The following ZNF385D variants were observed in gnomAD, a reference collection of about 807,000 sequenced individuals.
ZNF385D encodes the protein zinc finger protein 385D, also known as zinc finger protein 659.
ZNF385D carries 15 observed loss-of-function variants against 35.8 expected under a neutral mutation model. The ratio of observed to expected loss-of-function variants is 0.42; its 90% confidence interval spans 0.28 to 0.64. ZNF385D has a LOEUF of 0.64. Ranked by LOEUF, ZNF385D falls within the 30% of genes least tolerant of loss-of-function variation. The pLI, the probability that ZNF385D is intolerant of heterozygous loss-of-function variation, is 0.23. For synonymous variants in ZNF385D, 212 were observed against 186.8 expected (o/e 1.13, Z -1.10); for missense variants, 474 against 494.6 (o/e 0.96, Z 0.39).
intron 1 of ZNF385D, among the ~76,000 whole-genome samples, chr3:21,748,300 A>AGTT (rs2069880105): frequency 1.3e-5 from 2 of 152,038 alleles, no homozygotes; most frequent in Non-Finnish European, 2.9e-5. Flanking sequence ...ACACACACAC[A>AGTT]ACTGACTCCA....
chr3:21,498,349 C>CA lies in ZNF385D; in HGVS notation c.439+12511dup, dbSNP rs1024461984. ...ACAAAGATGCCAAAAGCAATTGCAA[C>CA]AAAAAAAAAATTTGACAAATGGGAC... On this transcript the variant is annotated intron_variant, in intron 4 of 7. Coordinates refer to ENST00000281523, the MANE Select transcript of ZNF385D (RefSeq NM_024697.3). 1.0e-3 allele frequency among the ~76,000 whole-genome samples: 151 copies of CA among 147,384 alleles called. 1 individual carries two copies. Among genetic ancestry groups the CA allele is most frequent in the South Asian group, 6.4e-3 (30 of 4,690 alleles).
chr3:21,827,896 G>C (rs1471220862), intron 3 of ZNF385D, among the ~76,000 whole-genome samples: 2 of 152,158 alleles, frequency 1.3e-5, no homozygotes, highest in African/African-American at 4.8e-5. Context: ...TATATTCAAA[G>C]AGTGTTGGTA....
At chr3:21,984,357 G>T (rs1421719656) in intron 3 of ZNF385D, among the ~76,000 whole-genome samples, 4 of 125,508 alleles carry the variant, frequency 3.2e-5, no homozygotes, top group African/African-American at 1.4e-4. Flanking sequence ...GTGTAAGGAA[G>T]GGATCCAGTT....
At position 21,690,118 on chromosome 3, in the gene ZNF385D, T is replaced by TA. The variant is rs2067233838; in HGVS notation, c.23-25091dup. ...TTTGTATACATGTAACATATTTCAGTAAAAAATCCATTTTTCTTGTTCTCA... is the reference window on the plus strand; with the variant it reads ...TTTGTATACATGTAACATATTTCAGTAAAAAAATCCATTTTTCTTGTTCTCA... On this transcript the variant is annotated intron_variant, in intron 1 of 7. Coordinates refer to ENST00000281523, the MANE Select transcript of ZNF385D (RefSeq NM_024697.3). Among the ~76,000 whole-genome samples, 4 of 152,124 alleles carry TA rather than the reference T, an allele frequency of 2.6e-5. No homozygotes were observed. In the South Asian group the frequency reaches 8.3e-4, roughly 32 times the overall value.
intron 3 of ZNF385D, among the ~76,000 whole-genome samples, chr3:21,896,727 G>C (rs1371755920): frequency 6.6e-6 from 1 of 152,140 alleles, no homozygotes; most frequent in East Asian, 1.9e-4. Flanking sequence ...GGGAGTGTCA[G>C]GGGGTGGGAA....
At chr3:21,920,364 C>A (rs1407663755) in intron 3 of ZNF385D, among the ~76,000 whole-genome samples, 1 of 152,022 alleles carries the variant, frequency 6.6e-6, no homozygotes, top group East Asian at 1.9e-4. Flanking sequence ...GCTGTAACTC[C>A]AGGGATTTGG....
At chr3:22,346,789 G>A (rs939207564) in intron 2 of ZNF385D, among the ~76,000 whole-genome samples, 3 of 152,136 alleles carry the variant, frequency 2.0e-5, no homozygotes, top group Non-Finnish European at 2.9e-5. Flanking sequence ...ATACAGACAA[G>A]GGAGTTTTCT....
At chr3:22,211,702 G>A (rs2728981) in intron 2 of ZNF385D, among the ~76,000 whole-genome samples, 75,839 of 151,738 alleles carry the variant, frequency 0.5, 19,400 homozygotes, top group Middle Eastern at 0.62. Flanking sequence ...CAGGAGGATA[G>A]TGGATGATGG....
intron 3 of ZNF385D, chr3:21,942,585 G>T (rs1701574501): frequency 6.6e-6 from 1 of 152,166 alleles, no homozygotes; most frequent in Non-Finnish European, 1.5e-5. Flanking sequence ...GCATATATGG[G>T]CAATTGGGGC....
chr3:21,425,576 A>G lies in ZNF385D; in HGVS notation c.768T>C (p.Asn256=), dbSNP rs369607136. 1.9e-5 allele frequency: 30 copies of G among 1,611,762 alleles called. No individual in the cohort carries two copies. In the East Asian group the frequency reaches 6.3e-4, roughly 34 times the overall value. Residue 256 remains asparagine (N), a synonymous_variant, in exon 6 of 8, where the codon AAT becomes AAC. Transcript: ENST00000281523. The stretch of plus-strand genomic sequence containing the variant: ...TATTTTGGAGGCCTGTGTTTCCTTT[A>G]TTAACAGGTCCTTTGCCTTTCACTC... The part of the protein sequence containing the change: ...RAGVKGKGPV[N]KGNTGLQNKT...
At chr3:22,109,960 A>G (rs978833414) in intron 3 of ZNF385D, among the ~76,000 whole-genome samples, 11 of 152,190 alleles carry the variant, frequency 7.2e-5, no homozygotes, top group Non-Finnish European at 1.6e-4. Flanking sequence ...AAACAAACCC[A>G]TCAACAAGTG....
At chr3:21,958,219 G>A (rs1445990088) in intron 3 of ZNF385D, among the ~76,000 whole-genome samples, 1 of 151,958 alleles carries the variant, frequency 6.6e-6, no homozygotes, top group Non-Finnish European at 1.5e-5. Context: ...ACCAATAATG[G>A]GCAAAATCAT....
At chr3:21,851,796 A>G (rs912620782) in intron 3 of ZNF385D, among the ~76,000 whole-genome samples, 1 of 151,970 alleles carries the variant, frequency 6.6e-6, no homozygotes, top group Non-Finnish European at 1.5e-5. Context: ...CTCTCATTTT[A>G]TCCTTCTACT....
At chr3:22,012,252 T>C (rs1380566849) in intron 3 of ZNF385D, among the ~76,000 whole-genome samples, 1 of 152,200 alleles carries the variant, frequency 6.6e-6, no homozygotes, top group East Asian at 1.9e-4. Flanking sequence ...TAATGTCTTA[T>C]ATTTACAAGC....
At chr3:21,450,126 G>A (rs1218890849) in intron 4 of ZNF385D, among the ~76,000 whole-genome samples, 3 of 152,288 alleles carry the variant, frequency 2.0e-5, no homozygotes, top group East Asian at 3.9e-4. Context: ...CCTTGGGCAG[G>A]GCTGTCAAGG....
intron 1 of ZNF385D, among the ~76,000 whole-genome samples, chr3:21,703,942 C>T (rs1191719750): frequency 6.6e-6 from 1 of 152,190 alleles, no homozygotes; most frequent in African/African-American, 2.4e-5. Flanking sequence ...GCCAAACTCC[C>T]TTCAGAATCT....
At chr3:21,909,532 C>T (rs627341) in intron 3 of ZNF385D, among the ~76,000 whole-genome samples, 30,689 of 151,936 alleles carry the variant, frequency 0.2, 3,154 homozygotes, top group Middle Eastern at 0.3. Flanking sequence ...AAATATTGAG[C>T]TCCATGTGGC....
At chr3:21,915,981 G>A (rs1257072099) in intron 3 of ZNF385D, among the ~76,000 whole-genome samples, 1 of 152,134 alleles carries the variant, frequency 6.6e-6, no homozygotes, top group Non-Finnish European at 1.5e-5. Flanking sequence ...AAATTCCAGT[G>A]TAAAAGCAGA....
At chr3:21,574,251 A>C (rs535942618) in intron 2 of ZNF385D, among the ~76,000 whole-genome samples, 1 of 152,120 alleles carries the variant, frequency 6.6e-6, no homozygotes, top group Non-Finnish European at 1.5e-5. Context: ...TCTAGATGTA[A>C]TTGTCTTTGG....
Sources: gnomAD v4.1 joint callset for allele counts (sites outside exome capture counted in the v4.1 genomes callset) on GRCh38, gnomAD v4.1.1 for gene constraint, MANE v1.5 for transcripts, NCBI Gene and HGNC (gene_info 2026-07-23, HGNC 2026-07-21) for gene names.